The following DNA2 variants were observed in gnomAD, a reference collection of about 807,000 sequenced individuals.
The protein encoded by DNA2 is DNA replication ATP-dependent helicase/nuclease DNA2.
Under a neutral mutation model 119.1 loss-of-function variants are expected in DNA2, and 101 were observed. That is an observed-to-expected ratio of 0.85 (90% CI 0.72 to 1.00). The LOEUF (loss-of-function observed/expected upper bound fraction) is 1.00, where lower values mean the gene tolerates loss of function less well. Ranked by LOEUF, DNA2 falls within the 50% of genes least tolerant of loss-of-function variation. The pLI is 0.00. For synonymous variants in DNA2, 366 were observed against 424.4 expected (o/e 0.86, Z 1.69); for missense variants, 1,121 against 1,255.5 (o/e 0.89, Z 1.62).
intron 5 of DNA2, among the ~76,000 whole-genome samples, chr10:68,453,523 C>T (rs1032465067): frequency 6.6e-6 from 1 of 152,140 alleles, no homozygotes. Flanking sequence ...ATTATATATA[C>T]AGTCATCCAT....
chr10:68,419,105 C>T lies in DNA2; in HGVS notation c.2896G>A (p.Val966Ile), dbSNP rs1333928461. ...TTGTCCCTTCCTTGGTATTTGTCTA[C>T]TGTATTAACTTCGACCATCCCAATA... is the stretch of plus-strand genomic sequence containing the variant. ...RSIGMVEVNT[V>I]DKYQGRDKSI... The change falls in exon 19 of 21, where the codon GTA becomes ATA. Residue 966 changes from valine to isoleucine, a missense_variant. Transcript: ENST00000358410. 1 of 1,613,208 alleles carries T rather than the reference C, an allele frequency of 6.2e-7. No individual in the cohort carries two copies. Among genetic ancestry groups the T allele is most frequent in the African/African-American group, 1.3e-5 (1 of 74,984 alleles).
intron 13 of DNA2, among the ~76,000 whole-genome samples, chr10:68,431,223 GA>G (rs869245045): frequency 4.7e-4 from 43 of 91,780 alleles, no homozygotes; most frequent in African/African-American, 1.5e-3. Flanking sequence ...AAAAAAAAAA[GA>G]AAAAGAAAAG....
chr10:68,448,972 T>TGCGCGC (rs2052080733), intron 6 of DNA2, among the ~76,000 whole-genome samples: 1 of 142,108 alleles, frequency 7.0e-6, no homozygotes, highest in Admixed American at 6.9e-5. Flanking sequence ...TGTGTGCGTG[T>TGCGCGC]GTGTGTGTGT....
Position 68,439,365 on chromosome 10 carries a change from G to T in DNA2, c.1416-2124C>A, listed in dbSNP as rs149830095. Among the ~76,000 whole-genome samples the T allele has an allele frequency of 2.0e-3, 307 of 151,976 alleles. 4 individuals are homozygous for T. The highest frequency in any genetic ancestry group is 6.9e-3 in the African/African-American group (286 of 41,458). ...GCCAAGATTGCAAGATTACTCCCCA[G>T]CCTGGGGAACATGAGCAAAACTCCA... On this transcript the variant is annotated intron_variant, in intron 9 of 20. Transcript: ENST00000358410.
chr10:68,448,062 T>C (rs889904948), intron 6 of DNA2, among the ~76,000 whole-genome samples: 5 of 150,130 alleles, frequency 3.3e-5, no homozygotes, highest in Admixed American at 6.6e-5. Context: ...AAGAATTCTA[T>C]AGAGAATTTT....
intron 1 of DNA2, among the ~76,000 whole-genome samples, chr10:68,471,446 G>A (rs2052379782): frequency 6.6e-6 from 1 of 152,176 alleles, no homozygotes; most frequent in Admixed American, 6.5e-5. Context: ...ATCCCCCAAG[G>A]ATAAGTTAAT....
At position 68,468,248 on chromosome 10, in the gene DNA2, C is replaced by T; in HGVS notation, c.316G>A (p.Asp106Asn). The change falls in exon 3 of 21, where the codon GAC (aspartate) becomes AAC (asparagine). Residue 106 changes from aspartate to asparagine, a missense_variant. Asp to Asn is a conservative substitution (Grantham distance 23). Coordinates refer to ENST00000358410, the MANE Select transcript of DNA2 (RefSeq NM_001080449.3). ...AAATCTTTATCTATTATCCAAGTGT[C>T]AGATGTGCAGTCTCCCTCCAAATGA... ...IIHLEGDCTS[D>N]TWIIDKDFGY... 2 of 1,611,210 alleles carry T rather than the reference C, an allele frequency of 1.2e-6. No homozygotes were observed. Among genetic ancestry groups the T allele is most frequent in the Non-Finnish European group, 1.7e-6 (2 of 1,178,970 alleles).
At chr10:68,452,885 C>A (rs1430200906) in intron 5 of DNA2, among the ~76,000 whole-genome samples, 2 of 150,430 alleles carry the variant, frequency 1.3e-5, no homozygotes, top group East Asian at 3.9e-4. Context: ...TGCGCGGCCA[C>A]TATATGTTTA....
At chr10:68,424,553 C>T in intron 14 of DNA2, 1 of 844,380 alleles carries the variant, frequency 1.2e-6, no homozygotes, top group African/African-American at 1.7e-5. Flanking sequence ...CTAGCCGGAG[C>T]ATCACCATGA....
At position 68,437,039 on chromosome 10, in the gene DNA2, T is replaced by C. The variant is rs759471117; in HGVS notation, c.1618A>G (p.Met540Val). Residue 540 changes from methionine to valine, a missense_variant, in exon 10 of 21, where the codon ATG becomes GTG. Transcript: ENST00000358410. ...LSRGYVKEIN[M>V]TTVTCLLDRN... is the part of the protein sequence containing the mutation. Reference sequence around the variant, plus strand: ...TCTAATAAACAAGTTACTGTTGTCATGTTAATCTCCTTCACATATCCTCTA... The same window carrying C: ...TCTAATAAACAAGTTACTGTTGTCACGTTAATCTCCTTCACATATCCTCTA... 6.2e-7 allele frequency: 1 copy of C among 1,612,342 alleles called. No homozygotes were observed. The highest frequency in any genetic ancestry group is 2.2e-5 in the East Asian group (1 of 44,860).
chr10:68,419,390 A>G (rs1179110679), intron 18 of DNA2, 177 bp from the exon 19 acceptor site: 4 of 573,796 alleles, frequency 7.0e-6, no homozygotes, highest in Non-Finnish European at 1.2e-5. Context: ...ATTTCCCAGG[A>G]TGAAATAATT....
At chr10:68,460,471 G>A (rs984081704) in intron 4 of DNA2, among the ~76,000 whole-genome samples, 4 of 150,992 alleles carry the variant, frequency 2.6e-5, no homozygotes, top group Admixed American at 2.0e-4. Flanking sequence ...AGGCTGGCGC[G>A]ATCTCTACTC....
intron 5 of DNA2, among the ~76,000 whole-genome samples, chr10:68,452,683 C>T (rs1366808430): frequency 1.3e-5 from 2 of 151,610 alleles, no homozygotes; most frequent in Admixed American, 6.6e-5. Context: ...GAGATCCTCC[C>T]GCCTCAGCCT....
In DNA2 at chr10:68,422,339, A is replaced by G. The variant is rs1216593961; in HGVS notation, c.2583T>C (p.Arg861=). 2 of 1,613,930 alleles carry G rather than the reference A, an allele frequency of 1.2e-6. No homozygotes were observed. Among genetic ancestry groups the G allele is most frequent in the East Asian group, 2.2e-5 (1 of 44,874 alleles). Residue 861 remains arginine, a synonymous_variant, in exon 17 of 21, where the codon CGT becomes CGC. Coordinates refer to ENST00000358410, the MANE Select transcript of DNA2 (RefSeq NM_001080449.3). The part of the protein sequence containing the change: ...DKVANAVINL[R]HFKDVKLELE... ...GTTCCAGCTTCACATCTTTAAAGTG[A>G]CGTAGGTTTATCACTGCATTGGCCA...
intron 9 of DNA2, among the ~76,000 whole-genome samples, chr10:68,442,095 TG>T: frequency 6.6e-6 from 1 of 152,162 alleles, no homozygotes; most frequent in African/African-American, 2.4e-5. Context: ...TTGTATTTTT[TG>T]TAGAGACAGG....
intron 4 of DNA2, among the ~76,000 whole-genome samples, chr10:68,460,245 TACAGGC>T (rs1471070296): frequency 6.6e-6 from 1 of 151,924 alleles, no homozygotes; most frequent in African/African-American, 2.4e-5. Context: ...TAGCTGGAAT[TACAGGC>T]ACACACCACC....
chr10:68,466,680 G>A (rs941300326), intron 3 of DNA2, among the ~76,000 whole-genome samples: 6 of 150,802 alleles, frequency 4.0e-5, no homozygotes, highest in Non-Finnish European at 8.8e-5. Context: ...CCAGGTTCAC[G>A]CCATTCTCCT....
At chr10:68,471,699 C>G in intron 1 of DNA2, 92 bp downstream of exon 1, 2 of 1,423,594 alleles carry the variant, frequency 1.4e-6, no homozygotes, top group Non-Finnish European at 1.9e-6. Flanking sequence ...GCCCCGGGCC[C>G]GGTCAGTCTG....
intron 17 of DNA2, among the ~76,000 whole-genome samples, chr10:68,421,971 T>C (rs1269809457): frequency 6.6e-6 from 1 of 151,910 alleles, no homozygotes; most frequent in African/African-American, 2.4e-5. Flanking sequence ...CCCACCATCA[T>C]GCCCAGCTAC....
Sources: allele counts gnomAD v4.1 joint callset (sites outside exome capture counted in the v4.1 genomes callset), GRCh38; gene constraint gnomAD v4.1.1; transcripts MANE v1.5; gene names NCBI Gene and HGNC (gene_info 2026-07-23, HGNC 2026-07-21).